CUX2: variants seen among roughly 807,000 people sequenced by gnomAD.
CUX2 encodes the protein cut like homeobox 2.
A neutral mutation model predicts 144.8 loss-of-function variants in CUX2; 40 were observed. The observed-to-expected ratio is 0.28, with a 90% CI of 0.21 to 0.36. The LOEUF (loss-of-function observed/expected upper bound fraction) is 0.36, where lower values mean the gene tolerates loss of function less well. Among genes scored for constraint, CUX2 ranks in the 10% least tolerant of loss-of-function variants. CUX2 has a pLI of 1.00. For missense variants in CUX2, 1,615 were observed against 1,994.0 expected (o/e 0.81, Z 3.62); for synonymous variants, 827 against 875.6 (o/e 0.94, Z 0.98).
chr12:111,140,900 C>T (rs1382346483), intron 1 of CUX2, among the ~76,000 whole-genome samples: 1 of 152,192 alleles, frequency 6.6e-6, no homozygotes, highest in Non-Finnish European at 1.5e-5. Flanking sequence ...GGGACGATGC[C>T]TGAGAAGTGA....
chr12:111,062,579 A>G (rs1870829163), intron 1 of CUX2, among the ~76,000 whole-genome samples: 1 of 151,936 alleles, frequency 6.6e-6, no homozygotes, highest in South Asian at 2.1e-4. Context: ...TGCCCTGGTG[A>G]TGAAAACAGA....
chr12:111,272,167 G>T (rs535842767), intron 4 of CUX2, among the ~76,000 whole-genome samples: 16 of 152,254 alleles, frequency 1.1e-4, no homozygotes, highest in South Asian at 2.1e-4. Flanking sequence ...GAAGTAGCAG[G>T]GGAGGTGAAG....
At chr12:111,185,676 G>A (rs2136187481) in intron 1 of CUX2, among the ~76,000 whole-genome samples, 1 of 152,328 alleles carries the variant, frequency 6.6e-6, no homozygotes, top group South Asian at 2.1e-4. Context: ...CACACACTCA[G>A]TGCAGCCCCT....
At chr12:111,080,047 C>T (rs2136041314) in intron 1 of CUX2, among the ~76,000 whole-genome samples, 1 of 152,336 alleles carries the variant, frequency 6.6e-6, no homozygotes, top group East Asian at 1.9e-4. Flanking sequence ...GCCTCAATTT[C>T]TCATCTGTAA....
At chr12:111,213,431 C>G (rs995014134) in intron 1 of CUX2, among the ~76,000 whole-genome samples, 3 of 152,200 alleles carry the variant, frequency 2.0e-5, no homozygotes, top group Admixed American at 6.5e-5. Flanking sequence ...AAGCATCCCC[C>G]CTTCCATCTC....
In CUX2 at chr12:111,322,296, C is replaced by T. The variant is rs1275922278; in HGVS notation, c.2767-125C>T. On this transcript the variant is annotated intron_variant, in intron 17 of 21. Transcript: ENST00000261726. The surrounding 1 kb of genome is among the most constrained non-coding windows in gnomAD (Gnocchi z 4.2). Reference sequence around the variant, plus strand: ...TGGTGCCACTGCACTCCATCCTGGGCGACAGACAAAGCGAGACTCTGCCTC... The same window carrying T: ...TGGTGCCACTGCACTCCATCCTGGGTGACAGACAAAGCGAGACTCTGCCTC... The T allele has an allele frequency of 1.3e-5, 14 of 1,072,576 alleles. No individual in the cohort carries two copies. Among genetic ancestry groups the T allele is most frequent in the Admixed American group, 9.8e-5 (3 of 30,572 alleles). The allele number at this position is 1,072,576 out of a possible 1,614,324, so 66.4% of individuals were successfully genotyped here. A position where few individuals can be genotyped will look rare whatever the true frequency, so the allele number is the denominator to read the frequency against.
At position 111,306,946 on chromosome 12, in the gene CUX2, C is replaced by T. The variant is rs890094061; in HGVS notation, c.884C>T (p.Ser295Leu). 2.8e-5 allele frequency: 45 copies of T among 1,611,478 alleles called. No individual in the cohort carries two copies. Among genetic ancestry groups the T allele is most frequent in the Non-Finnish European group, 3.4e-5 (40 of 1,178,640 alleles). ...GATAAGGTGAACTTCACTCTGTGCTCGGGCCCTCGGCTGGAGGCCGCGCTG... is the reference window on the plus strand; with the variant it reads ...GATAAGGTGAACTTCACTCTGTGCTTGGGCCCTCGGCTGGAGGCCGCGCTG... ...SGDKVNFTLC[S>L]GPRLEAALAS... The change falls in exon 11 of 22, where the codon TCG (serine) becomes TTG (leucine). Residue 295 changes from serine to leucine, a missense_variant. This residue lies in a region of CUX2 where 295 missense variants were observed against 400.2 expected (regional missense o/e 0.74). Coordinates refer to ENST00000261726, the MANE Select transcript of CUX2 (RefSeq NM_015267.4).
At chr12:111,328,330 C>G in intron 18 of CUX2, among the ~76,000 whole-genome samples, 1 of 152,172 alleles carries the variant, frequency 6.6e-6, no homozygotes, top group East Asian at 1.9e-4. Flanking sequence ...CTGACCATAC[C>G]TGTTACTGAA....
intron 1 of CUX2, among the ~76,000 whole-genome samples, chr12:111,074,277 C>G (rs77209985): frequency 0.025 from 3,873 of 152,060 alleles, 204 homozygotes; most frequent in African/African-American, 0.088. Context: ...CCCAGCATCT[C>G]GCCCCACCCC....
At chr12:111,168,501 A>G (rs1878298787) in intron 1 of CUX2, among the ~76,000 whole-genome samples, 1 of 152,212 alleles carries the variant, frequency 6.6e-6, no homozygotes, top group African/African-American at 2.4e-5. Context: ...CCACCACACC[A>G]GAACCTCGTC....
chr12:111,101,941 A>T (rs1331973811), intron 1 of CUX2, among the ~76,000 whole-genome samples: 3 of 152,220 alleles, frequency 2.0e-5, no homozygotes, highest in African/African-American at 7.2e-5. Context: ...TAAATTTCTT[A>T]CTTTACATAA....
rs1198661663 is a variant in CUX2 at position 111,287,746 on chromosome 12, C to T, written c.302-3672C>T. On this transcript the variant is annotated intron_variant, in intron 4 of 21. Coordinates refer to ENST00000261726, the MANE Select transcript of CUX2 (RefSeq NM_015267.4). This position sits in a 1 kb window ranked among gnomAD's most constrained non-coding sequence, Gnocchi z 4.2. Reference sequence around the variant, plus strand: ...GCGCACCTGCTTACCTCGGCATGGACGCCCATTGTCCAAGCCCCTGCCACC... The same window carrying T: ...GCGCACCTGCTTACCTCGGCATGGATGCCCATTGTCCAAGCCCCTGCCACC... Among the ~76,000 whole-genome samples the T allele has an allele frequency of 6.6e-6, 1 of 152,236 alleles. No individual in the cohort carries two copies. Among genetic ancestry groups the T allele is most frequent in the Non-Finnish European group, 1.5e-5 (1 of 68,046 alleles).
At chr12:111,264,188 A>G (rs1263889757) in intron 4 of CUX2, among the ~76,000 whole-genome samples, 2 of 152,226 alleles carry the variant, frequency 1.3e-5, no homozygotes, top group Admixed American at 6.5e-5. Context: ...CTCTGCCTGC[A>G]GGTGGCAATA....
chr12:111,182,000 G>A (rs1244187819), intron 1 of CUX2, among the ~76,000 whole-genome samples: 5 of 152,090 alleles, frequency 3.3e-5, no homozygotes, highest in East Asian at 1.9e-4. Flanking sequence ...GATTATCTCC[G>A]ACGGGTGCAC....
At chr12:111,159,419 G>T (rs1877612452) in intron 1 of CUX2, among the ~76,000 whole-genome samples, 1 of 151,870 alleles carries the variant, frequency 6.6e-6, no homozygotes, top group South Asian at 2.1e-4. Context: ...CAAAGTGCTG[G>T]AATTACAGGC....
At chr12:111,052,826 G>T (rs544689953) in intron 1 of CUX2, among the ~76,000 whole-genome samples, 1 of 152,260 alleles carries the variant, frequency 6.6e-6, no homozygotes, top group East Asian at 1.9e-4. Context: ...GTCTAGTTTG[G>T]TGTGGCATTT....
chr12:111,101,511 A>G (rs1382168509), intron 1 of CUX2, among the ~76,000 whole-genome samples: 1 of 152,102 alleles, frequency 6.6e-6, no homozygotes, highest in Admixed American at 6.5e-5. Flanking sequence ...CTTCACTGGG[A>G]TTTGTCATGT....
chr12:111,214,083 G>GT (rs1490321066), intron 1 of CUX2, 117 bp from the exon 2 acceptor site: 1 of 487,062 alleles, frequency 2.1e-6, no homozygotes, highest in African/African-American at 2.0e-5. Flanking sequence ...TCTCAGCTTT[G>GT]TAAGTTAAGA....
chr12:111,085,697 C>A (rs1566208706), intron 1 of CUX2, among the ~76,000 whole-genome samples: 2 of 152,230 alleles, frequency 1.3e-5, no homozygotes, highest in Non-Finnish European at 2.9e-5. Flanking sequence ...CACAGCACAT[C>A]TTTCGCCTTT....
Sources: allele counts gnomAD v4.1 joint callset (sites outside exome capture counted in the v4.1 genomes callset), GRCh38; gene constraint gnomAD v4.1.1; regional missense constraint gnomAD v4.1.1; non-coding constraint Gnocchi (gnomAD v3.1); transcripts MANE v1.5; gene names NCBI Gene and HGNC (gene_info 2026-07-23, HGNC 2026-07-21).